Variants in HHAT observed in about 807,000 individuals in gnomAD.
HHAT encodes the protein hedgehog acyltransferase.
A neutral mutation model predicts 70.8 loss-of-function variants in HHAT; 47 were observed. The ratio of observed to expected loss-of-function variants is 0.66; its 90% CI spans 0.53 to 0.85. The LOEUF is 0.85. Ranked by LOEUF, HHAT falls within the 40% of genes least tolerant of loss-of-function variation. The pLI, the probability that HHAT is intolerant of heterozygous loss-of-function variation, is 0.00. For synonymous variants in HHAT, 228 were observed against 247.6 expected, an observed-to-expected ratio of 0.92 and a Z score of 0.74; for missense variants, 609 against 604.8, an observed-to-expected ratio of 1.01 and a Z score of -0.07.
chr1:210,662,413 A>C (rs1174028590), intron 11 of HHAT, among the ~76,000 whole-genome samples: 3 of 152,192 alleles, frequency 2.0e-5, no homozygotes, highest in Non-Finnish European at 2.9e-5. Context: ...CAGGAAAGTG[A>C]CTTCTGTGAG....
intron 11 of HHAT, among the ~76,000 whole-genome samples, chr1:210,669,043 G>A (rs1679540564): frequency 6.6e-6 from 1 of 152,156 alleles, no homozygotes; most frequent in African/African-American, 2.4e-5. Flanking sequence ...AAAGTGCTGG[G>A]ATTACAGGTG....
At chr1:210,616,655 G>A (rs1667809020) in intron 10 of HHAT, among the ~76,000 whole-genome samples, 1 of 152,236 alleles carries the variant, frequency 6.6e-6, no homozygotes, top group African/African-American at 2.4e-5. Context: ...GGTTGCAGTT[G>A]AGAGAAGGGA....
At chr1:210,526,398 T>G (rs1185878056) in intron 9 of HHAT, among the ~76,000 whole-genome samples, 1 of 151,522 alleles carries the variant, frequency 6.6e-6, no homozygotes, top group African/African-American at 2.4e-5. Context: ...ATAACTAATA[T>G]ACTTACCTGA....
chr1:210,547,300 T>C (rs1051668676), intron 9 of HHAT, among the ~76,000 whole-genome samples: 56 of 152,228 alleles, frequency 3.7e-4, no homozygotes, highest in African/African-American at 1.3e-3. Context: ...CACTCCAGCC[T>C]GGGCAACAAG....
intron 11 of HHAT, among the ~76,000 whole-genome samples, chr1:210,657,323 T>C (rs1234910419): frequency 6.6e-6 from 1 of 152,222 alleles, no homozygotes; most frequent in Non-Finnish European, 1.5e-5. Flanking sequence ...CAGAAAACTC[T>C]TGCTCCACAA....
intron 9 of HHAT, among the ~76,000 whole-genome samples, chr1:210,516,131 T>C (rs1371295517): frequency 2.6e-5 from 4 of 152,058 alleles, no homozygotes; most frequent in Admixed American, 6.6e-5. Context: ...TCAAACCTGA[T>C]GGGACCCAGC....
At chr1:210,368,852 C>A (rs1359603831) in intron 3 of HHAT, among the ~76,000 whole-genome samples, 1 of 151,950 alleles carries the variant, frequency 6.6e-6, no homozygotes, top group Non-Finnish European at 1.5e-5. Context: ...CCGAGGTGGG[C>A]GGATCACCTG....
intron 11 of HHAT, among the ~76,000 whole-genome samples, chr1:210,654,091 A>ATGG (rs1675819995): frequency 5.5e-4 from 2 of 3,610 alleles, no homozygotes; most frequent in Non-Finnish European, 7.9e-4. Context: ...GAGTAGTGTG[A>ATGG]CAGGAATAGT....
chr1:210,421,444 A>T (rs929309152), intron 7 of HHAT, among the ~76,000 whole-genome samples: 1 of 152,076 alleles, frequency 6.6e-6, no homozygotes, highest in Non-Finnish European at 1.5e-5. Context: ...GGACTTTGGT[A>T]TATCATTTCT....
At chr1:210,551,608 A>G (rs2095528422) in intron 9 of HHAT, among the ~76,000 whole-genome samples, 1 of 152,218 alleles carries the variant, frequency 6.6e-6, no homozygotes, top group African/African-American at 2.4e-5. Flanking sequence ...AATGACAGGA[A>G]TCTTCTCAGT....
intron 9 of HHAT, among the ~76,000 whole-genome samples, chr1:210,565,558 G>A (rs1654504245): frequency 6.6e-6 from 1 of 152,000 alleles, no homozygotes; most frequent in South Asian, 2.1e-4. Flanking sequence ...TAATACCAGA[G>A]GAACACAAAC....
intron 3 of HHAT, among the ~76,000 whole-genome samples, chr1:210,370,719 A>AT (rs2089493150): frequency 6.8e-6 from 1 of 147,108 alleles, no homozygotes; most frequent in Non-Finnish European, 1.5e-5. Flanking sequence ...GGTTCAAGCG[A>AT]TTCTCTTGCC....
intron 10 of HHAT, among the ~76,000 whole-genome samples, chr1:210,610,180 C>A (rs1666299956): frequency 6.6e-6 from 1 of 152,190 alleles, no homozygotes; most frequent in Non-Finnish European, 1.5e-5. Context: ...ACCTTGCCAG[C>A]ATCTGTTCTT....
At chr1:210,410,134 C>G (rs556329606) in intron 6 of HHAT, among the ~76,000 whole-genome samples, 9 of 151,898 alleles carry the variant, frequency 5.9e-5, no homozygotes, top group Admixed American at 2.0e-4. Flanking sequence ...CTCACTGCAA[C>G]CTCCACCTCC....
At chr1:210,455,639 A>G (rs1354628987) in intron 7 of HHAT, among the ~76,000 whole-genome samples, 3 of 152,118 alleles carry the variant, frequency 2.0e-5, no homozygotes, top group African/African-American at 7.2e-5. Context: ...CAAATTTTGT[A>G]ACCTTTCTGT....
At chr1:210,579,656 G>A (rs1407749005) in intron 9 of HHAT, among the ~76,000 whole-genome samples, 3 of 152,182 alleles carry the variant, frequency 2.0e-5, no homozygotes, top group Admixed American at 2.0e-4. Flanking sequence ...ACAAGTTCGA[G>A]GTTACAGAAG....
chr1:210,477,267 A>G (rs1023085289), intron 8 of HHAT, among the ~76,000 whole-genome samples: 4 of 152,186 alleles, frequency 2.6e-5, no homozygotes, highest in Non-Finnish European at 5.9e-5. Flanking sequence ...AACTTGGGAA[A>G]AATGAGTTGC....
Position 210,464,560 on chromosome 1 carries a change from T to C in HHAT, c.912T>C (p.Phe304=), listed in dbSNP as rs1175032315. The change falls in exon 8 of 12, where the codon TTT becomes TTC. Residue 304 remains phenylalanine, a synonymous_variant. Coordinates refer to ENST00000261458, the MANE Select transcript of HHAT (RefSeq NM_018194.6). ...TCTACGTGAAGTACTTGGTGCTCTT[T>C]GGCGTGCCTGCTCTGCTCATGCGCC... ...LFFYVKYLVL[F]GVPALLMRLD... The C allele has an allele frequency of 4.3e-6, 7 of 1,614,166 alleles. No individual in the cohort carries two copies. Among genetic ancestry groups the C allele is most frequent in the Non-Finnish European group, 5.1e-6 (6 of 1,180,016 alleles).
At chr1:210,422,747 T>C (rs1163228101) in intron 7 of HHAT, among the ~76,000 whole-genome samples, 1 of 152,120 alleles carries the variant, frequency 6.6e-6, no homozygotes, top group Non-Finnish European at 1.5e-5. Flanking sequence ...AAGTATTCTC[T>C]TACCTCAGCC....
Sources: allele counts gnomAD v4.1 joint callset (sites outside exome capture counted in the v4.1 genomes callset), GRCh38; gene constraint gnomAD v4.1.1; transcripts MANE v1.5; gene names NCBI Gene and HGNC (gene_info 2026-07-23, HGNC 2026-07-21).